GRHL1: variants seen among roughly 807,000 people sequenced by gnomAD.
GRHL1 encodes grainyhead like transcription factor 1, also known as grainyhead-like protein 1 homolog.
GRHL1 carries 38 observed loss-of-function variants against 75.7 expected under a neutral mutation model. The observed-to-expected ratio is 0.50, with a 90% CI of 0.39 to 0.66. GRHL1 has a LOEUF of 0.66. Ranked by LOEUF, GRHL1 falls within the 30% of genes least tolerant of loss-of-function variation. GRHL1 has a pLI of 0.00. For synonymous variants in GRHL1, 266 were observed against 279.4 expected (o/e 0.95, Z 0.48); for missense variants, 589 against 767.5 (o/e 0.77, Z 2.75).
At chr2:9,962,330 A>G in intron 4 of GRHL1, 125 bp from the exon 5 acceptor site, 1 of 604,474 alleles carries the variant, frequency 1.7e-6, no homozygotes, top group Non-Finnish European at 3.0e-6. Flanking sequence ...TTTTTACTCA[A>G]AAATAAATAT....
chr2:9,963,870 T>G lies in GRHL1; in HGVS notation c.747-16T>G. 6.3e-7 allele frequency: 1 copy of G among 1,592,350 alleles called. No homozygotes were observed. The highest frequency in any genetic ancestry group is 8.6e-7 in the Non-Finnish European group (1 of 1,167,262). On this transcript the variant is annotated splice_polypyrimidine_tract_variant and intron_variant, in intron 5 of 15. Coordinates refer to ENST00000324907, the MANE Select transcript of GRHL1 (RefSeq NM_198182.3). The stretch of plus-strand genomic sequence containing the variant: ...GAGAGTAGATTTAGAGACCTGTGAC[T>G]TTTTTTGTCCTTTAGGAACAACTTT...
intron 1 of GRHL1, among the ~76,000 whole-genome samples, chr2:9,953,423 C>G (rs562645304): frequency 6.6e-6 from 1 of 152,200 alleles, no homozygotes. Context: ...TTGTATATTT[C>G]TTTATTTTCT....
intron 10 of GRHL1, among the ~76,000 whole-genome samples, 184 bp from the exon 11 acceptor site, chr2:9,991,823 A>C (rs1418272438): frequency 6.6e-6 from 1 of 152,180 alleles, no homozygotes; most frequent in Non-Finnish European, 1.5e-5. Flanking sequence ...TTTTAGTGGA[A>C]ATACACACAA....
Position 10,000,581 on chromosome 2 carries a change from C to T in GRHL1, c.1743-12C>T. ...GCAGTGAAGTTGGTTGGTCTTGTCCCCCCCCATCCAGGATCCTGGTGAACA... is the reference window on the plus strand; with the variant it reads ...GCAGTGAAGTTGGTTGGTCTTGTCCTCCCCCATCCAGGATCCTGGTGAACA... On this transcript the variant is annotated splice_polypyrimidine_tract_variant and intron_variant, in intron 15 of 15. Coordinates refer to ENST00000324907, the MANE Select transcript of GRHL1 (RefSeq NM_198182.3). The T allele has an allele frequency of 6.5e-7, 1 of 1,549,382 alleles. No individual in the cohort carries two copies. Among genetic ancestry groups the T allele is most frequent in the African/African-American group, 1.4e-5 (1 of 73,646 alleles).
chr2:9,997,823 A>G (rs1216009809), intron 14 of GRHL1, among the ~76,000 whole-genome samples: 1 of 151,988 alleles, frequency 6.6e-6, no homozygotes, highest in East Asian at 1.9e-4. Context: ...CGTCTCAAAA[A>G]AAAAAAAACA....
chr2:9,986,803 C>A lies in GRHL1; in HGVS notation c.1269+521C>A, dbSNP rs555861169. On this transcript the variant is annotated intron_variant, in intron 9 of 15. Coordinates refer to ENST00000324907, the MANE Select transcript of GRHL1 (RefSeq NM_198182.3). ...CTCACTGTAGCCTCAACCTCCTGGG[C>A]TCAAGCGATCCCCCAAACTCAGTCT... Among the ~76,000 whole-genome samples the A allele has an allele frequency of 5.9e-5, 9 of 152,254 alleles. No individual in the cohort carries two copies. In the East Asian group the frequency reaches 1.7e-3, roughly 29 times the overall value.
intron 8 of GRHL1, among the ~76,000 whole-genome samples, chr2:9,970,132 C>T (rs571096689): frequency 3.7e-4 from 57 of 152,268 alleles, no homozygotes; most frequent in African/African-American, 1.3e-3. Context: ...CATGAGCCAC[C>T]GTGCCCAGCC....
In GRHL1 at chr2:9,962,520, C is replaced by T. The variant is rs775173614; in HGVS notation, c.735C>T (p.Asp245=). Residue 245 remains aspartate (D), a synonymous_variant, in exon 5 of 16, where the codon GAC becomes GAT. Coordinates refer to ENST00000324907, the MANE Select transcript of GRHL1 (RefSeq NM_198182.3). The part of the protein sequence containing the change: ...PGMNSEDYVF[D]SVSGNNFEYT... Reference sequence around the variant, plus strand: ...TGAATTCAGAGGACTATGTTTTTGACAGTGTTTCTGGGTAATAGATGTCTT... The same window carrying T: ...TGAATTCAGAGGACTATGTTTTTGATAGTGTTTCTGGGTAATAGATGTCTT... 1 of 1,562,460 alleles carries T rather than the reference C, an allele frequency of 6.4e-7. No homozygotes were observed.
In GRHL1 at chr2:10,001,360, A is replaced by G. The variant is rs951122403; in HGVS notation, c.*653A>G. On this transcript the variant is annotated 3_prime_UTR_variant, in exon 16 of 16. Transcript: ENST00000324907. ...ATCAGTTAAGATAAAGCTGCATTGT[A>G]TATAAGTGCAATATATTTTTGAAGG... 3 of 152,686 alleles carry G rather than the reference A, an allele frequency of 2.0e-5. No individual in the cohort carries two copies. Among genetic ancestry groups the G allele is most frequent in the Non-Finnish European group, 2.9e-5 (2 of 68,048 alleles). 9.5% of individuals were successfully genotyped at this position (152,686 alleles called of 1,614,324 possible).
Position 9,968,312 on chromosome 2 carries a change from C to T in GRHL1, c.1110+2931C>T, listed in dbSNP as rs879508065. Among the ~76,000 whole-genome samples, 14 of 152,210 alleles carry T rather than the reference C, an allele frequency of 9.2e-5. No homozygotes were observed. Among genetic ancestry groups the T allele is most frequent in the Non-Finnish European group, 1.6e-4 (11 of 68,026 alleles). The stretch of plus-strand genomic sequence containing the variant: ...GTTTTGGAACTTGTGAAAATTTGTT[C>T]GTTTTCAAAGTGGTGGAAGAGAAGG... On this transcript the variant is annotated intron_variant, in intron 8 of 15. Coordinates refer to ENST00000324907, the MANE Select transcript of GRHL1 (RefSeq NM_198182.3). The surrounding 1 kb of genome is among the most constrained non-coding windows in gnomAD (Gnocchi z 4.7).
In GRHL1 at chr2:9,952,092, G is replaced by GGGCCACCCTCCTCCCCTCCTCCGC. The variant is rs1184584725; in HGVS notation, c.20+245_20+268dup. On this transcript the variant is annotated intron_variant, in intron 1 of 15. Coordinates refer to ENST00000324907, the MANE Select transcript of GRHL1 (RefSeq NM_198182.3). ...TCCTCGGGGAAACTCGACACCGGAG[G>GGGCCACCCTCCTCCCCTCCTCCGC]GGCCACCCTCCTCCCCTCCTCCGCG... is the stretch of plus-strand genomic sequence containing the variant. Among the ~76,000 whole-genome samples the GGGCCACCCTCCTCCCCTCCTCCGC allele has an allele frequency of 2.1e-5, 3 of 141,530 alleles. No individual in the cohort carries two copies. In the East Asian group the frequency reaches 5.9e-4, roughly 28 times the overall value. The allele number at this position is 141,530 out of a possible 152,430, so 92.8% of individuals were successfully genotyped here. A position where few individuals can be genotyped will look rare whatever the true frequency, so the allele number is the denominator to read the frequency against.
At chr2:9,977,571 C>T (rs1054852606) in intron 8 of GRHL1, among the ~76,000 whole-genome samples, 1 of 152,256 alleles carries the variant, frequency 6.6e-6, no homozygotes, top group African/African-American at 2.4e-5. Context: ...ATCCGCCCGC[C>T]TCGGCCTCCC....
intron 3 of GRHL1, chr2:9,959,988 T>A (rs1453332705): frequency 6.6e-6 from 1 of 152,246 alleles, no homozygotes; most frequent in East Asian, 1.9e-4. Flanking sequence ...TTCTTGAAGC[T>A]TCAGCCTATA....
Position 9,990,850 on chromosome 2 carries a change from G to A in GRHL1, c.1321+103G>A, listed in dbSNP as rs746919077. ...TGAGAATGGTGGCTGGAGTTTGCAC[G>A]CAGAAGACAGTGGGTGTTCTTCCTG... On this transcript the variant is annotated intron_variant, in intron 10 of 15. Coordinates refer to ENST00000324907, the MANE Select transcript of GRHL1 (RefSeq NM_198182.3). The surrounding 1 kb of genome is among the most constrained non-coding windows in gnomAD (Gnocchi z 4.2). 15 of 854,406 alleles carry A rather than the reference G, an allele frequency of 1.8e-5. No homozygotes were observed. The highest frequency in any genetic ancestry group is 2.9e-5 in the Non-Finnish European group (15 of 526,308). 52.9% of individuals were successfully genotyped at this position (854,406 alleles called of 1,614,324 possible).
At chr2:9,998,293 G>C (rs1055578630) in intron 14 of GRHL1, among the ~76,000 whole-genome samples, 1 of 151,390 alleles carries the variant, frequency 6.6e-6, no homozygotes, top group Admixed American at 6.6e-5. Context: ...GACAGCCACA[G>C]CTCCCCAGAA....
Position 9,995,879 on chromosome 2 carries a change from C to T in GRHL1, c.1500C>T (p.Gly500=), listed in dbSNP as rs751479503. Residue 500 remains glycine, a splice_region_variant and synonymous_variant, in exon 13 of 16, where the codon GGC becomes GGT. Coordinates refer to ENST00000324907, the MANE Select transcript of GRHL1 (RefSeq NM_198182.3). ...PIASEELEGE[G]SVLKRGPYGT... is the part of the protein sequence containing the mutation. ...AACGGCATATTTTGGATCACTGCAG[C>T]TCTGTCTTGAAAAGGGGGCCGTACG... 6.3e-7 allele frequency: 1 copy of T among 1,598,814 alleles called. No homozygotes were observed. Among genetic ancestry groups the T allele is most frequent in the Non-Finnish European group, 8.6e-7 (1 of 1,166,150 alleles).
rs1285859934 is a variant in GRHL1 at position 9,996,419 on chromosome 2, T to G, written c.1677+18T>G. The G allele has an allele frequency of 1.4e-6, 2 of 1,409,030 alleles. No individual in the cohort carries two copies. Among genetic ancestry groups the G allele is most frequent in the Non-Finnish European group, 2.0e-6 (2 of 992,668 alleles). The allele number at this position is 1,409,030 out of a possible 1,614,324, so 87.3% of individuals were successfully genotyped here. On this transcript the variant is annotated intron_variant, in intron 14 of 15. Transcript: ENST00000324907. Reference sequence around the variant, plus strand: ...TGGAAGCTGTAAGTAGGATCAACTCTGTAATCCCCTGTACAAAATGAAAGG... The same window carrying G: ...TGGAAGCTGTAAGTAGGATCAACTCGGTAATCCCCTGTACAAAATGAAAGG...
chr2:9,982,591 CTTG>C (rs779678373), intron 8 of GRHL1, among the ~76,000 whole-genome samples: 1 of 152,216 alleles, frequency 6.6e-6, no homozygotes, highest in Non-Finnish European at 1.5e-5. Flanking sequence ...AGCTGGAGAG[CTTG>C]TTAACCTCCC....
chr2:9,999,158 C>A, intron 15 of GRHL1, 129 bp downstream of exon 15: 1 of 340,508 alleles, frequency 2.9e-6, no homozygotes, highest in Non-Finnish European at 5.5e-6. Context: ...CTAGTGACAC[C>A]CTCCTGTGCC....
Sources: gnomAD v4.1 joint callset for allele counts (sites outside exome capture counted in the v4.1 genomes callset) on GRCh38, gnomAD v4.1.1 for gene constraint, Gnocchi (gnomAD v3.1) non-coding constraint, MANE v1.5 for transcripts, NCBI Gene and HGNC (gene_info 2026-07-23, HGNC 2026-07-21) for gene names.